CTNNA1: variants seen among roughly 807,000 people sequenced by gnomAD.
The protein encoded by CTNNA1 is catenin alpha 1.
In CTNNA1, 37 loss-of-function variants were observed where a neutral mutation model predicts 98.4. The ratio of observed to expected loss-of-function variants is 0.38; its 90% confidence interval spans 0.29 to 0.49. The LOEUF (loss-of-function observed/expected upper bound fraction) is 0.49, where lower values mean the gene tolerates loss of function less well. CTNNA1 is among the 20% of genes least tolerant of loss of function. The probability of loss-of-function intolerance (pLI) is 0.95; values close to 1 mark genes in which losing one functional copy is unlikely to be tolerated. For missense variants in CTNNA1, 761 were observed against 1,147.2 expected (o/e 0.66, Z 4.86); for synonymous variants, 404 against 413.2 (o/e 0.98, Z 0.27).
intron 3 of CTNNA1, among the ~76,000 whole-genome samples, chr5:138,793,777 G>A (rs1756624735): frequency 6.6e-6 from 1 of 152,144 alleles, no homozygotes; most frequent in East Asian, 1.9e-4. Context: ...AATAGCAGCA[G>A]GGCACACTTG....
At chr5:138,892,391 G>A (rs1755648344) in intron 9 of CTNNA1, among the ~76,000 whole-genome samples, 1 of 132,794 alleles carries the variant, frequency 7.5e-6, no homozygotes, top group Non-Finnish European at 1.5e-5. Flanking sequence ...CCAGGCTGGA[G>A]TGCAGTGACA....
chr5:138,821,484 GT>G (rs1199783852), intron 5 of CTNNA1, among the ~76,000 whole-genome samples: 1 of 152,126 alleles, frequency 6.6e-6, no homozygotes, highest in African/African-American at 2.4e-5. Context: ...TACTGTCGGT[GT>G]TTTATTTGTA....
chr5:138,819,556 G>T (rs6873425), intron 5 of CTNNA1, among the ~76,000 whole-genome samples: 1 of 151,924 alleles, frequency 6.6e-6, no homozygotes, highest in African/African-American at 2.4e-5. Flanking sequence ...CTGCTTCAGC[G>T]CAGGCCTGAG....
At chr5:138,835,824 A>G (rs1204973700) in intron 7 of CTNNA1, among the ~76,000 whole-genome samples, 1 of 152,122 alleles carries the variant, frequency 6.6e-6, no homozygotes, top group African/African-American at 2.4e-5. Context: ...GCTATTGACT[A>G]TAGGCTTCAT....
chr5:138,924,729 T>G lies in CTNNA1; in HGVS notation c.1747+19T>G, dbSNP rs369860515. 426 of 1,551,436 alleles carry G rather than the reference T, an allele frequency of 2.7e-4. No individual in the cohort carries two copies. Among genetic ancestry groups the G allele is most frequent in the Non-Finnish European group, 3.6e-4 (412 of 1,146,708 alleles). ...AACACAGGTACGGGAACTCTCCCTTTCCAGTGCTCGCACACACCGCAGCCT... is the reference window on the plus strand; with the variant it reads ...AACACAGGTACGGGAACTCTCCCTTGCCAGTGCTCGCACACACCGCAGCCT... On this transcript the variant is annotated intron_variant, in intron 12 of 17. Transcript: ENST00000302763.
intron 7 of CTNNA1, among the ~76,000 whole-genome samples, chr5:138,852,457 G>T (rs1363122728): frequency 6.7e-6 from 1 of 148,876 alleles, no homozygotes; most frequent in East Asian, 2.0e-4. Flanking sequence ...CTGCTTCTTT[G>T]GGGGGTGGGG....
At chr5:138,803,198 C>T (rs988042896) in intron 3 of CTNNA1, among the ~76,000 whole-genome samples, 4 of 150,466 alleles carry the variant, frequency 2.7e-5, no homozygotes, top group South Asian at 2.1e-4. Flanking sequence ...GTCACCCATG[C>T]GCTGGAGTGC....
chr5:138,861,727 A>G (rs1764303194), intron 7 of CTNNA1, among the ~76,000 whole-genome samples: 1 of 152,226 alleles, frequency 6.6e-6, no homozygotes, highest in Non-Finnish European at 1.5e-5. Flanking sequence ...TGGTCTTTTA[A>G]AAGTGAAAGC....
In CTNNA1 at chr5:138,934,171, A is replaced by G. The variant is rs1766049813; in HGVS notation, c.*82A>G. On this transcript the variant is annotated 3_prime_UTR_variant, in exon 18 of 18. Transcript: ENST00000302763. ...CGTCACTCAAATGAATTTGCTAAAT[A>G]CAACACTGATACTAGATTCCACAGG... 1.2e-5 allele frequency: 12 copies of G among 1,034,368 alleles called. No individual in the cohort carries two copies. The allele number at this position is 1,034,368 out of a possible 1,614,324, so 64.1% of individuals were successfully genotyped here. A position where few individuals can be genotyped will look rare whatever the true frequency, so the allele number is the denominator to read the frequency against.
At chr5:138,771,552 T>C (rs185227349) in intron 1 of CTNNA1, among the ~76,000 whole-genome samples, 1 of 151,970 alleles carries the variant, frequency 6.6e-6, no homozygotes, top group African/African-American at 2.4e-5. Context: ...TTTTTTTTTC[T>C]TTTTAAAAGT....
At chr5:138,823,867 G>A (rs1760320247) in intron 5 of CTNNA1, among the ~76,000 whole-genome samples, 1 of 142,380 alleles carries the variant, frequency 7.0e-6, no homozygotes, top group Non-Finnish European at 1.5e-5. Flanking sequence ...TGAGGCAGGA[G>A]AATGGCGTGA....
chr5:138,814,169 G>A (rs1265342282), intron 5 of CTNNA1, among the ~76,000 whole-genome samples: 3 of 151,948 alleles, frequency 2.0e-5, no homozygotes, highest in Non-Finnish European at 4.4e-5. Context: ...ATGAGATCCT[G>A]GTTTTGCATT....
intron 7 of CTNNA1, among the ~76,000 whole-genome samples, chr5:138,836,484 T>C (rs2149805608): frequency 6.6e-6 from 1 of 152,362 alleles, no homozygotes; most frequent in African/African-American, 2.4e-5. Context: ...TGTGTTGCTT[T>C]CAAAGAGGTT....
Position 138,933,130 on chromosome 5 carries a change from TCAAAA to T in CTNNA1, c.2433+425_2433+429del, listed in dbSNP as rs111468170. ...GTCTGGGCAACAGAACAAGACTGTC[TCAAAA>T]CAAAACGAAACAACAAAACAAAACA... On this transcript the variant is annotated intron_variant, in intron 17 of 17. Coordinates refer to ENST00000302763, the MANE Select transcript of CTNNA1 (RefSeq NM_001903.5). Among the ~76,000 whole-genome samples, 722 of 152,242 alleles carry T rather than the reference TCAAAA, an allele frequency of 4.7e-3. 8 individuals are homozygous for T. The highest frequency in any genetic ancestry group is 0.017 in the African/African-American group (696 of 41,522).
intron 3 of CTNNA1, among the ~76,000 whole-genome samples, chr5:138,785,111 G>T (rs1755531448): frequency 6.7e-6 from 1 of 149,486 alleles, no homozygotes; most frequent in Admixed American, 6.7e-5. Context: ...GCCCAGGCTG[G>T]AGTGCAGTGG....
At position 138,925,332 on chromosome 5, in the gene CTNNA1, G is replaced by C. The variant is rs1763783102; in HGVS notation, c.1824G>C (p.Glu608Asp). Reference protein sequence around the residue: ...LSSDPAQPMDENEFIDASRLV... With the variant: ...LSSDPAQPMDDNEFIDASRLV... ...CGGACCCTGCCCAGCCCATGGATGA[G>C]AATGAGTTTATCGATGCTTCCCGCC... is the stretch of plus-strand genomic sequence containing the variant. The change falls in exon 13 of 18, where the codon GAG becomes GAC. Residue 608 changes from glutamate to aspartate, a missense_variant. Transcript: ENST00000302763. 6.2e-7 allele frequency: 1 copy of C among 1,614,052 alleles called. No homozygotes were observed. Among genetic ancestry groups the C allele is most frequent in the Non-Finnish European group, 8.5e-7 (1 of 1,180,046 alleles).
At chr5:138,783,132 T>C (rs774120146) in intron 2 of CTNNA1, 45 bp from the exon 3 acceptor site, 2 of 1,442,512 alleles carry the variant, frequency 1.4e-6, no homozygotes, top group Non-Finnish European at 9.4e-7. Flanking sequence ...TATTAGTTTG[T>C]CATTTTAATT....
intron 7 of CTNNA1, among the ~76,000 whole-genome samples, chr5:138,837,842 C>G (rs902642180): frequency 2.6e-5 from 4 of 151,682 alleles, no homozygotes; most frequent in African/African-American, 4.9e-5. Context: ...AGGGTGGTCT[C>G]AAACTCCTGG....
At chr5:138,862,104 A>T (rs925934032) in intron 7 of CTNNA1, among the ~76,000 whole-genome samples, 1 of 152,206 alleles carries the variant, frequency 6.6e-6, no homozygotes, top group Non-Finnish European at 1.5e-5. Flanking sequence ...TTTCATTGAG[A>T]TAGGTTAATT....
Sources: allele counts gnomAD v4.1 joint callset (sites outside exome capture counted in the v4.1 genomes callset), GRCh38; gene constraint gnomAD v4.1.1; transcripts MANE v1.5; gene names NCBI Gene and HGNC (gene_info 2026-07-23, HGNC 2026-07-21).